ZCCHC14: variants seen among roughly 807,000 people sequenced by gnomAD.
ZCCHC14 encodes the protein zinc finger CCHC domain-containing protein 14.
Under a neutral mutation model 85.0 loss-of-function variants are expected in ZCCHC14, and 16 were observed. The observed-to-expected ratio is 0.19, with a 90% CI of 0.13 to 0.29. The LOEUF is 0.29. Among genes scored for constraint, ZCCHC14 ranks in the 10% least tolerant of loss-of-function variants. ZCCHC14 has a pLI of 1.00. For missense variants in ZCCHC14, 1,303 were observed against 1,443.5 expected, an observed-to-expected ratio of 0.90 and a Z score of 1.58; for synonymous variants, 775 against 630.7, an observed-to-expected ratio of 1.23 and a Z score of -3.43.
At chr16:87,443,228 G>T (rs983546481) in intron 2 of ZCCHC14, among the ~76,000 whole-genome samples, 4 of 152,228 alleles carry the variant, frequency 2.6e-5, no homozygotes, top group Admixed American at 1.3e-4. Flanking sequence ...CTGGATGGTG[G>T]TCGGGTTTCC....
intron 1 of ZCCHC14, chr16:87,471,275 T>C (rs913402034): frequency 6.6e-6 from 1 of 152,228 alleles, no homozygotes; most frequent in East Asian, 1.9e-4. Flanking sequence ...AAAATAGTCA[T>C]TACGTGTCTC....
intron 1 of ZCCHC14, among the ~76,000 whole-genome samples, chr16:87,477,048 C>T (rs1156651291): frequency 1.4e-5 from 2 of 146,978 alleles, no homozygotes; most frequent in African/African-American, 5.1e-5. Context: ...TTGCTTGAAC[C>T]CAGGAGGCAG....
intron 2 of ZCCHC14, among the ~76,000 whole-genome samples, chr16:87,439,011 A>G (rs1458196626): frequency 6.6e-6 from 1 of 152,178 alleles, no homozygotes; most frequent in Non-Finnish European, 1.5e-5. Flanking sequence ...CTATATTGCT[A>G]TTTACACAAG....
In ZCCHC14 at chr16:87,412,926, G is replaced by A; in HGVS notation, c.1795C>T (p.Leu599=). ...GCGGAACTGGAAGTGAAGTGATTCA[G>A]CAGCATCACCGGCTTCTCCTTGTCA... ...SSDKEKPVML[L]NHFTSSSARP... is the part of the protein sequence containing the mutation. Residue 599 remains leucine (L), a synonymous_variant, in exon 12 of 13, where the codon CTG becomes TTG. Coordinates refer to ENST00000671377, the MANE Select transcript of ZCCHC14 (RefSeq NM_015144.3). The A allele has an allele frequency of 6.2e-7, 1 of 1,602,014 alleles. No homozygotes were observed. The highest frequency in any genetic ancestry group is 8.5e-7 in the Non-Finnish European group (1 of 1,173,290).
In ZCCHC14 at chr16:87,420,739, G is replaced by A. The variant is rs907575989; in HGVS notation, c.841-23C>T. 2 of 1,595,204 alleles carry A rather than the reference G, an allele frequency of 1.3e-6. No homozygotes were observed. The highest frequency in any genetic ancestry group is 2.7e-5 in the African/African-American group (2 of 74,736). The stretch of plus-strand genomic sequence containing the variant: ...TAGCTGGAAGAGAGGACAAGGTAGA[G>A]GAGGTGTGTCCAGACCCATCCAACA... On this transcript the variant is annotated intron_variant, in intron 4 of 12. Transcript: ENST00000671377. The surrounding 1 kb of genome is among the most constrained non-coding windows in gnomAD (Gnocchi z 5.0).
Position 87,411,995 on chromosome 16 carries a change from G to T in ZCCHC14, c.2726C>A (p.Pro909His). ...NHHHHHHHQQ[P>H]PAPPQPAPPP... ...TGGGGCGGGCTGCGGGGGTGCCGGG[G>T]GCTGCTGATGGTGGTGGTGGTGGTG... Residue 909 changes from proline (P) to histidine (H), a missense_variant, in exon 12 of 13, where the codon CCC becomes CAC. This residue lies in a region of ZCCHC14 where 797 missense variants were observed against 730.8 expected (regional missense o/e 1.09). Transcript: ENST00000671377. 6.2e-7 allele frequency: 1 copy of T among 1,609,624 alleles called. No homozygotes were observed. Among genetic ancestry groups the T allele is most frequent in the Non-Finnish European group, 8.5e-7 (1 of 1,179,730 alleles).
intron 12 of ZCCHC14, 175 bp downstream of exon 12, chr16:87,411,341 C>T (rs1265171008): frequency 7.4e-6 from 11 of 1,496,068 alleles, no homozygotes; most frequent in South Asian, 5.4e-5. Context: ...TTAGACCCAA[C>T]AGCAGTCCTT....
At position 87,491,119 on chromosome 16, in the gene ZCCHC14, G is replaced by C. The variant is rs1056812992; in HGVS notation, c.570+550C>G. Reference sequence around the variant, plus strand: ...CTGTCACCCAAGGGCCCCATTAAGGGGACAAAGGCCTTATCGCGTTTGCAG... The same window carrying C: ...CTGTCACCCAAGGGCCCCATTAAGGCGACAAAGGCCTTATCGCGTTTGCAG... On this transcript the variant is annotated intron_variant, in intron 1 of 12. Transcript: ENST00000671377. This position sits in a 1 kb window ranked among gnomAD's most constrained non-coding sequence, Gnocchi z 5.9. 1.3e-5 allele frequency among the ~76,000 whole-genome samples: 2 copies of C among 152,262 alleles called. No homozygotes were observed. Among genetic ancestry groups the C allele is most frequent in the Admixed American group, 6.5e-5 (1 of 15,290 alleles).
intron 1 of ZCCHC14, among the ~76,000 whole-genome samples, chr16:87,485,133 A>C (rs1041301033): frequency 5.7e-4 from 87 of 152,176 alleles, no homozygotes; most frequent in Non-Finnish European, 1.0e-3. Flanking sequence ...CCCCTCTCTA[A>C]GGGTGAACGG....
intron 2 of ZCCHC14, among the ~76,000 whole-genome samples, chr16:87,444,808 C>T (rs998218334): frequency 2.0e-5 from 3 of 152,242 alleles, no homozygotes; most frequent in East Asian, 3.9e-4. Flanking sequence ...CCTGGGATTC[C>T]GAACTTGATC....
At chr16:87,479,427 A>AAG (rs1486169951) in intron 1 of ZCCHC14, among the ~76,000 whole-genome samples, 1 of 152,002 alleles carries the variant, frequency 6.6e-6, no homozygotes, top group African/African-American at 2.4e-5. Context: ...AAAAAAAAAA[A>AAG]AAAAGAAACC....
chr16:87,478,741 G>C (rs1275874375), intron 1 of ZCCHC14, among the ~76,000 whole-genome samples: 2 of 151,944 alleles, frequency 1.3e-5, no homozygotes, highest in Non-Finnish European at 2.9e-5. Context: ...CGAGTAGCTG[G>C]GATAACAGGC....
intron 2 of ZCCHC14, among the ~76,000 whole-genome samples, chr16:87,437,374 C>T (rs951558117): frequency 7.0e-6 from 1 of 141,948 alleles, no homozygotes; most frequent in African/African-American, 2.6e-5. Flanking sequence ...AATTCAGGGG[C>T]AAACATCACC....
intron 1 of ZCCHC14, among the ~76,000 whole-genome samples, chr16:87,476,314 G>A (rs1279197724): frequency 6.6e-6 from 1 of 152,090 alleles, no homozygotes; most frequent in Admixed American, 6.5e-5. Context: ...TCCACTTAGG[G>A]GTTGGGGGAA....
rs1220258885 is a variant in ZCCHC14 at position 87,408,496 on chromosome 16, G to A, written c.*1784C>T. The A allele has an allele frequency of 6.6e-6, 1 of 152,524 alleles. No individual in the cohort carries two copies. Among genetic ancestry groups the A allele is most frequent in the Non-Finnish European group, 1.5e-5 (1 of 68,038 alleles). 9.4% of individuals were successfully genotyped at this position (152,524 alleles called of 1,614,324 possible). On this transcript the variant is annotated 3_prime_UTR_variant, in exon 13 of 13. Coordinates refer to ENST00000671377, the MANE Select transcript of ZCCHC14 (RefSeq NM_015144.3). ...TCAGTTCTCATTATTTTGACATTTT[G>A]TAGTGTTTACAATTTAAGAGATCAA...
In ZCCHC14 at chr16:87,408,961, C is replaced by T. The variant is rs1371036141; in HGVS notation, c.*1319G>A. The T allele has an allele frequency of 6.6e-6, 1 of 152,548 alleles. No individual in the cohort carries two copies. The highest frequency in any genetic ancestry group is 1.5e-5 in the Non-Finnish European group (1 of 68,028). The allele number at this position is 152,548 out of a possible 1,614,324, so 9.4% of individuals were successfully genotyped here. On this transcript the variant is annotated 3_prime_UTR_variant, in exon 13 of 13. Transcript: ENST00000671377. ...AGAGTATTATTTGAGCAGAAAATTC[C>T]CTTTAACCTTGAAGATTTAAGTCCG...
At chr16:87,453,709 T>C (rs1910819924) in intron 2 of ZCCHC14, among the ~76,000 whole-genome samples, 2 of 152,198 alleles carry the variant, frequency 1.3e-5, no homozygotes, top group African/African-American at 4.8e-5. Flanking sequence ...AACAACACTC[T>C]TCAGAACATG....
chr16:87,439,137 C>CT (rs551734590), intron 2 of ZCCHC14, among the ~76,000 whole-genome samples: 46,490 of 145,596 alleles, frequency 0.32, 8,327 homozygotes, highest in South Asian at 0.61. Flanking sequence ...CATACAAGTT[C>CT]TTTTTTTTTT....
At chr16:87,459,211 G>A (rs1293278128) in intron 2 of ZCCHC14, among the ~76,000 whole-genome samples, 1 of 152,192 alleles carries the variant, frequency 6.6e-6, no homozygotes, top group Non-Finnish European at 1.5e-5. Context: ...AGGCACGTGT[G>A]GCTGCTGACA....
Sources: gnomAD v4.1 joint callset for allele counts (sites outside exome capture counted in the v4.1 genomes callset) on GRCh38, gnomAD v4.1.1 for gene constraint, gnomAD v4.1.1 regional missense constraint, Gnocchi (gnomAD v3.1) non-coding constraint, MANE v1.5 for transcripts, NCBI Gene and HGNC (gene_info 2026-07-23, HGNC 2026-07-21) for gene names.